Variants in VMP1 observed in about 807,000 individuals in gnomAD.
VMP1 encodes ectopic P-granules autophagy protein 3 homolog.
A neutral mutation model predicts 56.0 loss-of-function variants in VMP1; 11 were observed. The observed-to-expected ratio is 0.20, with a 90% confidence interval of 0.12 to 0.32. VMP1 has a LOEUF of 0.32. Among genes scored for constraint, VMP1 ranks in the 10% least tolerant of loss-of-function variants. VMP1 has a pLI of 1.00. For missense variants in VMP1, 296 were observed against 490.3 expected, an observed-to-expected ratio of 0.60 and a Z score of 3.74; for synonymous variants, 149 against 165.0, an observed-to-expected ratio of 0.90 and a Z score of 0.74.
chr17:59,772,461 T>G (rs539986563), intron 6 of VMP1, among the ~76,000 whole-genome samples: 1 of 151,960 alleles, frequency 6.6e-6, no homozygotes, highest in South Asian at 2.1e-4. Flanking sequence ...ATGCTTAACA[T>G]TGCTTTTTAA....
intron 5 of VMP1, among the ~76,000 whole-genome samples, chr17:59,755,136 C>G (rs1174517211): frequency 2.6e-5 from 4 of 151,224 alleles, no homozygotes; most frequent in Non-Finnish European, 5.9e-5. Flanking sequence ...TAGACGGAGA[C>G]TCACTCTGTC....
chr17:59,824,498 G>A (rs540510030), intron 10 of VMP1, among the ~76,000 whole-genome samples: 205 of 151,024 alleles, frequency 1.4e-3, no homozygotes, highest in African/African-American at 4.7e-3. Context: ...ACTTGAACCC[G>A]GGAGGTGGAG....
chr17:59,752,960 C>T (rs1449032288), intron 5 of VMP1, among the ~76,000 whole-genome samples: 1 of 152,070 alleles, frequency 6.6e-6, no homozygotes, highest in Middle Eastern at 3.2e-3. Flanking sequence ...CTCAATTATG[C>T]ACAATAAAAT....
In VMP1 at chr17:59,773,771, C is replaced by T. The variant is rs758474821; in HGVS notation, c.600C>T (p.Ile200=). 3.7e-5 allele frequency: 60 copies of T among 1,606,470 alleles called. No homozygotes were observed. The highest frequency in any genetic ancestry group is 3.0e-4 in the South Asian group (27 of 89,778). The change falls in exon 7 of 12, where the codon ATC becomes ATT. Residue 200 remains isoleucine, a synonymous_variant. Transcript: ENST00000262291. ...TCACCTAGGGTATCGGTACAGCAAT[C>T]GGAGAGCTGCCTCCATATTTCATGG... ...EACMWGIGTA[I]GELPPYFMAR... is the part of the protein sequence containing the mutation.
chr17:59,833,961 T>C (rs1434777848), intron 10 of VMP1: 1 of 152,178 alleles, frequency 6.6e-6, no homozygotes, highest in African/African-American at 2.4e-5. Flanking sequence ...TACTGTTTTT[T>C]ATTTTTGTTT....
chr17:59,825,169 C>T (rs951560065), intron 10 of VMP1, among the ~76,000 whole-genome samples: 1 of 144,232 alleles, frequency 6.9e-6, no homozygotes, highest in African/African-American at 2.6e-5. Context: ...CCACTGCAAC[C>T]TCTGCCTCCT....
chr17:59,782,288 G>A (rs989913351), intron 7 of VMP1, among the ~76,000 whole-genome samples: 9 of 149,714 alleles, frequency 6.0e-5, no homozygotes, highest in Admixed American at 1.3e-4. Context: ...ATGATATGAT[G>A]TAGGAATCTA....
At chr17:59,780,230 C>T (rs1337219304) in intron 7 of VMP1, among the ~76,000 whole-genome samples, 5 of 152,168 alleles carry the variant, frequency 3.3e-5, no homozygotes, top group African/African-American at 1.2e-4. Flanking sequence ...TTCATATTTG[C>T]TTATTTATAT....
chr17:59,789,500 A>G (rs2037142348), intron 7 of VMP1, among the ~76,000 whole-genome samples: 1 of 151,326 alleles, frequency 6.6e-6, no homozygotes, highest in Admixed American at 6.6e-5. Flanking sequence ...GCTCCACTGC[A>G]CTCCAGCGTG....
chr17:59,736,765 G>C (rs185276904), intron 3 of VMP1, among the ~76,000 whole-genome samples: 19 of 151,496 alleles, frequency 1.3e-4, no homozygotes, highest in Non-Finnish European at 1.9e-4. Context: ...AACAAAGCCC[G>C]GGCATGGTGG....
intron 7 of VMP1, among the ~76,000 whole-genome samples, chr17:59,791,028 T>C (rs1178921930): frequency 6.6e-6 from 1 of 152,156 alleles, no homozygotes; most frequent in African/African-American, 2.4e-5. Flanking sequence ...CATGAAATCA[T>C]AACTTCGCAT....
At chr17:59,817,342 C>A (rs1598436467) in intron 9 of VMP1, among the ~76,000 whole-genome samples, 1 of 137,446 alleles carries the variant, frequency 7.3e-6, no homozygotes, top group African/African-American at 2.6e-5. Flanking sequence ...TAAATGTTAT[C>A]TTTTATTTTA....
chr17:59,838,159 A>G (rs1598472732), intron 10 of VMP1, 136 bp from the exon 11 acceptor site: 1 of 251,768 alleles, frequency 4.0e-6, no homozygotes, highest in South Asian at 1.3e-4. Context: ...CAGTTCTCTG[A>G]TTTTTATATT....
chr17:59,824,002 G>T (rs1470554014), intron 10 of VMP1, among the ~76,000 whole-genome samples: 1 of 152,078 alleles, frequency 6.6e-6, no homozygotes, highest in African/African-American at 2.4e-5. Context: ...AGAGGCTCAC[G>T]CCTGTAATCC....
At chr17:59,743,580 C>CTCTA (rs1555615210) in intron 5 of VMP1, among the ~76,000 whole-genome samples, 4 of 146,884 alleles carry the variant, frequency 2.7e-5, no homozygotes, top group African/African-American at 7.4e-5. Flanking sequence ...CTCTCTCTCT[C>CTCTA]TATATATATA....
At chr17:59,786,916 G>C (rs1421547312) in intron 7 of VMP1, among the ~76,000 whole-genome samples, 1 of 152,110 alleles carries the variant, frequency 6.6e-6, no homozygotes. Flanking sequence ...ATCATTAAAG[G>C]CGTTGTCAAA....
At chr17:59,776,729 T>C (rs562952447) in intron 7 of VMP1, among the ~76,000 whole-genome samples, 1 of 152,342 alleles carries the variant, frequency 6.6e-6, no homozygotes, top group South Asian at 2.1e-4. Flanking sequence ...CTTTGAGTTA[T>C]GGCACTAACT....
At chr17:59,724,249 G>GA (rs2034510366) in intron 1 of VMP1, among the ~76,000 whole-genome samples, 1 of 150,632 alleles carries the variant, frequency 6.6e-6, no homozygotes, top group Non-Finnish European at 1.5e-5. Flanking sequence ...AAAGAAAAAA[G>GA]AAAGTCAATG....
chr17:59,828,165 C>G (rs1333859658), intron 10 of VMP1, among the ~76,000 whole-genome samples: 1 of 152,150 alleles, frequency 6.6e-6, no homozygotes, highest in Non-Finnish European at 1.5e-5. Context: ...CCACATTCAT[C>G]AGCACAAATG....
Sources: gnomAD v4.1 joint callset for allele counts (sites outside exome capture counted in the v4.1 genomes callset) on GRCh38, gnomAD v4.1.1 for gene constraint, MANE v1.5 for transcripts, NCBI Gene and HGNC (gene_info 2026-07-23, HGNC 2026-07-21) for gene names.